APBA1: variants seen among roughly 807,000 people sequenced by gnomAD.
APBA1 encodes amyloid-beta A4 precursor protein-binding family A member 1.
Under a neutral mutation model 86.6 loss-of-function variants are expected in APBA1, and 55 were observed. That is an observed-to-expected ratio of 0.64 (90% CI 0.51 to 0.80). APBA1 has a LOEUF of 0.80. APBA1 is among the 30% of genes least tolerant of loss of function. The pLI, the probability that APBA1 is intolerant of heterozygous loss-of-function variation, is 0.00. For missense variants in APBA1, 1,090 were observed against 1,183.0 expected, an observed-to-expected ratio of 0.92 and a Z score of 1.15; for synonymous variants, 511 against 493.9, an observed-to-expected ratio of 1.03 and a Z score of -0.46.
At chr9:69,545,903 G>A (rs1423329449) in intron 1 of APBA1, among the ~76,000 whole-genome samples, 1 of 152,180 alleles carries the variant, frequency 6.6e-6, no homozygotes, top group African/African-American at 2.4e-5. Flanking sequence ...AAACATCATG[G>A]AAGATACAGG....
intron 1 of APBA1, among the ~76,000 whole-genome samples, chr9:69,560,575 T>A (rs1056729741): frequency 6.6e-6 from 1 of 152,208 alleles, no homozygotes; most frequent in Non-Finnish European, 1.5e-5. Flanking sequence ...GTTGTAAAGA[T>A]GAAATATGGG....
At chr9:69,652,483 G>T (rs1389414964) in intron 1 of APBA1, among the ~76,000 whole-genome samples, 2 of 152,188 alleles carry the variant, frequency 1.3e-5, no homozygotes, top group East Asian at 3.8e-4. Context: ...GAAGCAGCCT[G>T]TCTAAGCTGG....
At chr9:69,636,987 A>AAAG (rs1564099121) in intron 1 of APBA1, among the ~76,000 whole-genome samples, 1,357 of 96,126 alleles carry the variant, frequency 0.014, 173 homozygotes, top group East Asian at 0.025. Flanking sequence ...AAGAAAGAAA[A>AAAG]ATGTGATACA....
chr9:69,432,685 G>T lies in APBA1; in HGVS notation c.2302-9C>A. ...CGCATGAGGCTGCAGATCTGCCAGA[G>T]TCAAAGGCAGAGTTACCCTCATTGC... On this transcript the variant is annotated splice_polypyrimidine_tract_variant and intron_variant, in intron 11 of 12. Transcript: ENST00000265381. The T allele has an allele frequency of 6.4e-7, 1 of 1,559,414 alleles. No homozygotes were observed. Among genetic ancestry groups the T allele is most frequent in the Non-Finnish European group, 8.6e-7 (1 of 1,156,846 alleles).
At chr9:69,442,764 A>C (rs780961691) in intron 10 of APBA1, among the ~76,000 whole-genome samples, 7 of 152,140 alleles carry the variant, frequency 4.6e-5, no homozygotes, top group African/African-American at 7.2e-5. Flanking sequence ...TACTGCTGTC[A>C]CTCCTTGACC....
chr9:69,566,355 T>C (rs1302446981), intron 1 of APBA1, among the ~76,000 whole-genome samples: 2 of 152,042 alleles, frequency 1.3e-5, no homozygotes, highest in Non-Finnish European at 2.9e-5. Context: ...GTGCTGTAGG[T>C]GTCTATTTGT....
chr9:69,487,765 A>G (rs914551), intron 2 of APBA1, among the ~76,000 whole-genome samples: 121,401 of 151,808 alleles, frequency 0.8, 48,759 homozygotes, highest in Admixed American at 0.85. Context: ...TACCAGAAGC[A>G]GCCCCTCCAA....
intron 4 of APBA1, among the ~76,000 whole-genome samples, chr9:69,469,663 T>G (rs1427913628): frequency 1.3e-5 from 2 of 152,218 alleles, no homozygotes; most frequent in Non-Finnish European, 2.9e-5. Context: ...GTGAGATGGA[T>G]TCGGGCTATA....
chr9:69,522,208 A>G (rs1185187248), intron 1 of APBA1, among the ~76,000 whole-genome samples: 2 of 151,926 alleles, frequency 1.3e-5, no homozygotes, highest in Non-Finnish European at 2.9e-5. Flanking sequence ...ATGTTTTGTC[A>G]TGTATCTTTG....
chr9:69,515,239 C>G lies in APBA1; in HGVS notation c.1200+772G>C, dbSNP rs761859264. Among the ~76,000 whole-genome samples the G allele has an allele frequency of 5.1e-4, 78 of 152,254 alleles. 1 individual carries two copies. The highest frequency in any genetic ancestry group is 1.0e-3 in the Non-Finnish European group (68 of 68,026). On this transcript the variant is annotated intron_variant, in intron 2 of 12. Transcript: ENST00000265381. ...GGCCAGACGCAGACCCTCCACATTC[C>G]CATTCTTTCTTCACAAACGATCAGC... is the stretch of plus-strand genomic sequence containing the variant.
At chr9:69,465,435 G>A (rs1490367738) in intron 5 of APBA1, 3 of 152,226 alleles carry the variant, frequency 2.0e-5, no homozygotes, top group Non-Finnish European at 4.4e-5. Flanking sequence ...ATACAAAATA[G>A]GACGTGACTT....
rs558017446 is a variant in APBA1 at position 69,452,137 on chromosome 9, C to A, written c.1953G>T (p.Ser651=). The A allele has an allele frequency of 1.2e-6, 2 of 1,614,086 alleles. No individual in the cohort carries two copies. The highest frequency in any genetic ancestry group is 1.7e-5 in the Admixed American group (1 of 60,016). ...AAGTACCCACATCTTTACAGTTTTC[C>A]GACTTGGAGAAGTGGATCAGGTCAT... ...YNDDLIHFSK[S]ENCKDVFIEK... Residue 651 remains serine, a synonymous_variant, in exon 9 of 13, where the codon TCG becomes TCT. Coordinates refer to ENST00000265381, the MANE Select transcript of APBA1 (RefSeq NM_001163.4).
chr9:69,530,996 C>T (rs1836423912), intron 1 of APBA1, among the ~76,000 whole-genome samples: 1 of 151,994 alleles, frequency 6.6e-6, no homozygotes, highest in African/African-American at 2.4e-5. Flanking sequence ...CTAGTATGCA[C>T]ATTAAAATTT....
At chr9:69,545,139 C>T (rs1836677673) in intron 1 of APBA1, among the ~76,000 whole-genome samples, 1 of 152,188 alleles carries the variant, frequency 6.6e-6, no homozygotes, top group Non-Finnish European at 1.5e-5. Context: ...CTCATCTGGG[C>T]TGGTTTCATG....
At chr9:69,583,689 C>T (rs958769136) in intron 1 of APBA1, among the ~76,000 whole-genome samples, 1 of 152,252 alleles carries the variant, frequency 6.6e-6, no homozygotes, top group Admixed American at 6.5e-5. Context: ...TCTACCCTAA[C>T]CATGCCCTGC....
At chr9:69,445,890 G>T (rs1027895673) in intron 10 of APBA1, among the ~76,000 whole-genome samples, 47 of 152,236 alleles carry the variant, frequency 3.1e-4, no homozygotes, top group African/African-American at 1.1e-3. Context: ...CATCCCCGCC[G>T]CAAAGCCTGC....
intron 1 of APBA1, among the ~76,000 whole-genome samples, chr9:69,549,066 A>C (rs1315065949): frequency 6.6e-6 from 1 of 152,232 alleles, no homozygotes; most frequent in Non-Finnish European, 1.5e-5. Flanking sequence ...AAATGTCTAC[A>C]GGGCCACACA....
chr9:69,510,992 C>T (rs1376885953), intron 2 of APBA1, among the ~76,000 whole-genome samples: 1 of 150,216 alleles, frequency 6.7e-6, no homozygotes, highest in East Asian at 2.0e-4. Context: ...TAGGCATTAC[C>T]ATTCAGGACA....
At chr9:69,667,803 T>G (rs1001504523) in intron 1 of APBA1, among the ~76,000 whole-genome samples, 1 of 152,070 alleles carries the variant, frequency 6.6e-6, no homozygotes. Context: ...CTGTTTTCAC[T>G]GCTTTCCATT....
Sources: allele counts gnomAD v4.1 joint callset (sites outside exome capture counted in the v4.1 genomes callset), GRCh38; gene constraint gnomAD v4.1.1; transcripts MANE v1.5; gene names NCBI Gene and HGNC (gene_info 2026-07-23, HGNC 2026-07-21).